Variants in TMPRSS11F observed in about 807,000 individuals in gnomAD.
The protein encoded by TMPRSS11F is transmembrane serine protease 11F.
A neutral mutation model predicts 60.2 loss-of-function variants in TMPRSS11F; 47 were observed. The ratio of observed to expected loss-of-function variants is 0.78; its 90% CI spans 0.62 to 1.00. TMPRSS11F has a LOEUF of 1.00. Ranked by LOEUF, TMPRSS11F falls within the 50% of genes least tolerant of loss-of-function variation. The probability of loss-of-function intolerance (pLI) is 0.00; values close to 1 mark genes in which losing one functional copy is unlikely to be tolerated. For synonymous variants in TMPRSS11F, 166 were observed against 167.3 expected, an observed-to-expected ratio of 0.99 and a Z score of 0.06; for missense variants, 519 against 522.9, an observed-to-expected ratio of 0.99 and a Z score of 0.07.
intron 1 of TMPRSS11F, among the ~76,000 whole-genome samples, chr4:68,102,089 T>C (rs1453558149): frequency 6.6e-6 from 1 of 152,184 alleles, no homozygotes; most frequent in Non-Finnish European, 1.5e-5. Flanking sequence ...TTTCTCTCTG[T>C]TTCTGGCTTA....
chr4:68,076,007 A>C (rs890885271), intron 3 of TMPRSS11F, among the ~76,000 whole-genome samples: 1 of 152,106 alleles, frequency 6.6e-6, no homozygotes, highest in Non-Finnish European at 1.5e-5. Flanking sequence ...AAAAGAAAAA[A>C]AAAAAAGAAT....
intron 7 of TMPRSS11F, among the ~76,000 whole-genome samples, chr4:68,065,944 C>T (rs563801153): frequency 2.0e-5 from 3 of 151,954 alleles, no homozygotes; most frequent in East Asian, 1.9e-4. Context: ...GGTGAAACCC[C>T]GTTTCTACTA....
chr4:68,071,261 T>C (rs1723456548), intron 5 of TMPRSS11F, among the ~76,000 whole-genome samples: 1 of 152,200 alleles, frequency 6.6e-6, no homozygotes, highest in African/African-American at 2.4e-5. Context: ...AATTACTTCT[T>C]GAGAATGTAA....
chr4:68,107,932 T>C lies in TMPRSS11F; in HGVS notation c.12-8894A>G, dbSNP rs369653312. Among the ~76,000 whole-genome samples the C allele has an allele frequency of 4.9e-4, 75 of 152,200 alleles. 2 individuals are homozygous for C. In the South Asian group the frequency reaches 0.013, roughly 26 times the overall value. ...AGCCTGGAGACAAAGTGAGACTCTG[T>C]CTCAAATTTAAAAAAAAGAACCACT... On this transcript the variant is annotated intron_variant, in intron 1 of 9. Transcript: ENST00000356291.
At chr4:68,066,040 A>T (rs1239076238) in intron 7 of TMPRSS11F, among the ~76,000 whole-genome samples, 1 of 148,378 alleles carries the variant, frequency 6.7e-6, no homozygotes, top group Non-Finnish European at 1.5e-5. Flanking sequence ...CGCTTGTTGA[A>T]CCTGGGAGGT....
chr4:68,100,044 A>C lies in TMPRSS11F; in HGVS notation c.12-1006T>G, dbSNP rs1400333203. On this transcript the variant is annotated intron_variant, in intron 1 of 9. Transcript: ENST00000356291. ...TTGAGGAATAAAAGCTCACCAGGTC[A>C]AAAAAAAAAAAAGGACAGAGAAAAT... Among the ~76,000 whole-genome samples, 11 of 141,746 alleles carry C rather than the reference A, an allele frequency of 7.8e-5. 1 individual carries two copies. In the East Asian group the frequency reaches 2.2e-3, roughly 28 times the overall value. 93.0% of individuals were successfully genotyped at this position (141,746 alleles called of 152,430 possible).
At chr4:68,060,515 CAAAA>C (rs71218926) in intron 8 of TMPRSS11F, among the ~76,000 whole-genome samples, 8 of 29,634 alleles carry the variant, frequency 2.7e-4, no homozygotes, top group African/African-American at 1.1e-3. Flanking sequence ...GACTCCAACT[CAAAA>C]AAAAAAAAAA....
Position 68,113,244 on chromosome 4 carries a change from T to C in TMPRSS11F, c.12-14206A>G, listed in dbSNP as rs1179825108. On this transcript the variant is annotated intron_variant, in intron 1 of 9. Coordinates refer to ENST00000356291, the MANE Select transcript of TMPRSS11F (RefSeq NM_207407.2). ...TTATTGGACAATGGAGAAAAGGCTA[T>C]TCTTGTAATAAAATGGCAAAGAATT... Among the ~76,000 whole-genome samples the C allele has an allele frequency of 2.6e-5, 4 of 152,180 alleles. No individual in the cohort carries two copies. The East Asian group carries it at 7.7e-4, about 29-fold the overall frequency.
At chr4:68,085,198 T>G (rs1335539337) in intron 3 of TMPRSS11F, among the ~76,000 whole-genome samples, 1 of 148,214 alleles carries the variant, frequency 6.7e-6, no homozygotes, top group Non-Finnish European at 1.5e-5. Context: ...TAAACATACG[T>G]GTGCATGTGT....
intron 2 of TMPRSS11F, among the ~76,000 whole-genome samples, chr4:68,098,029 G>A (rs1403933821): frequency 6.6e-6 from 1 of 152,120 alleles, no homozygotes; most frequent in Non-Finnish European, 1.5e-5. Flanking sequence ...AATCGGCGGG[G>A]CATGGTGGCT....
intron 4 of TMPRSS11F, among the ~76,000 whole-genome samples, chr4:68,073,629 A>G (rs1379875031): frequency 6.6e-6 from 1 of 152,136 alleles, no homozygotes; most frequent in Non-Finnish European, 1.5e-5. Flanking sequence ...AATGAGGAAA[A>G]TGAAAAAGAC....
chr4:68,109,982 T>C (rs1394406941), intron 1 of TMPRSS11F, among the ~76,000 whole-genome samples: 1 of 152,242 alleles, frequency 6.6e-6, no homozygotes, highest in African/African-American at 2.4e-5. Flanking sequence ...CATAAATATT[T>C]ATGTGCTAAT....
rs111476255 is a variant in TMPRSS11F, at chr4:68,059,391, C to G, written c.1093G>C (p.Asp365His). 70 of 1,613,856 alleles carry G rather than the reference C, an allele frequency of 4.3e-5. No individual in the cohort carries two copies. The highest frequency in any genetic ancestry group is 7.6e-6 in the Non-Finnish European group (9 of 1,179,982). Reference sequence around the variant, plus strand: ...AACATTCCTGGAGTTATCAGGCCATCATACACATCCTTTCTGTTACACACA... The same window carrying G: ...AACATTCCTGGAGTTATCAGGCCATGATACACATCCTTTCTGTTACACACA... The part of the protein sequence containing the change: ...TDVCNRKDVY[D>H]GLITPGMLCA... Residue 365 changes from aspartate (D) to histidine (H), a missense_variant, in exon 9 of 10, where the codon GAT (aspartate) becomes CAT (histidine). Transcript: ENST00000356291.
At position 68,090,850 on chromosome 4, in the gene TMPRSS11F, A is replaced by G. The variant is rs557822022; in HGVS notation, c.164-209T>C. Among the ~76,000 whole-genome samples the G allele has an allele frequency of 9.2e-5, 14 of 152,346 alleles. No individual in the cohort carries two copies. In the East Asian group the frequency reaches 2.5e-3, roughly 27 times the overall value. On this transcript the variant is annotated intron_variant, in intron 2 of 9. Coordinates refer to ENST00000356291, the MANE Select transcript of TMPRSS11F (RefSeq NM_207407.2). ...AATTCTGATCCCAAAGTACTCATACATAACACTCCATTATAGATATTTATG... is the reference window on the plus strand; with the variant it reads ...AATTCTGATCCCAAAGTACTCATACGTAACACTCCATTATAGATATTTATG...
At chr4:68,084,383 C>T (rs186357675) in intron 3 of TMPRSS11F, among the ~76,000 whole-genome samples, 33 of 152,144 alleles carry the variant, frequency 2.2e-4, no homozygotes, top group African/African-American at 7.5e-4. Flanking sequence ...TCACCAAGGT[C>T]GCTGCAAAAG....
chr4:68,122,942 G>GT (rs1456009303), intron 1 of TMPRSS11F, among the ~76,000 whole-genome samples: 1 of 152,192 alleles, frequency 6.6e-6, no homozygotes, highest in East Asian at 1.9e-4. Context: ...GGGAAGTGAG[G>GT]TAAGAACATA....
Position 68,059,374 on chromosome 4 carries a change from T to C in TMPRSS11F, c.1110A>G (p.Pro370=). The change falls in exon 9 of 10, where the codon CCA becomes CCG. Residue 370 remains proline, a synonymous_variant. Transcript: ENST00000356291. ...CCATGAATCCAGCACATAACATTCC[T>C]GGAGTTATCAGGCCATCATACACAT... ...RKDVYDGLIT[P]GMLCAGFMEG... 1 of 1,614,022 alleles carries C rather than the reference T, an allele frequency of 6.2e-7. No individual in the cohort carries two copies. The highest frequency in any genetic ancestry group is 8.5e-7 in the Non-Finnish European group (1 of 1,179,984).
intron 5 of TMPRSS11F, among the ~76,000 whole-genome samples, chr4:68,070,541 T>G (rs1335537229): frequency 1.3e-5 from 2 of 152,268 alleles, no homozygotes; most frequent in South Asian, 2.1e-4. Context: ...CCCTGAGGAT[T>G]CTCTCTTGTG....
In TMPRSS11F at chr4:68,098,872, G is replaced by T; in HGVS notation, c.163+15C>A. The T allele has an allele frequency of 1.2e-6, 2 of 1,602,802 alleles. No individual in the cohort carries two copies. Among genetic ancestry groups the T allele is most frequent in the South Asian group, 2.2e-5 (2 of 88,990 alleles). On this transcript the variant is annotated intron_variant, in intron 2 of 9. Transcript: ENST00000356291. Reference sequence around the variant, plus strand: ...TGGAGTACTTAGGCAATGGAACTGTGACCTGGATACTTACCCTCAACAACA... The same window carrying T: ...TGGAGTACTTAGGCAATGGAACTGTTACCTGGATACTTACCCTCAACAACA...
Sources: gnomAD v4.1 joint callset for allele counts (sites outside exome capture counted in the v4.1 genomes callset) on GRCh38, gnomAD v4.1.1 for gene constraint, MANE v1.5 for transcripts, NCBI Gene and HGNC (gene_info 2026-07-23, HGNC 2026-07-21) for gene names.